Variants in GALNT16 observed in about 807,000 individuals in gnomAD.
The protein encoded by GALNT16 is polypeptide N-acetylgalactosaminyltransferase 16.
In GALNT16, 40 loss-of-function variants were observed where a neutral mutation model predicts 76.1. The observed-to-expected ratio is 0.53, with a 90% CI of 0.41 to 0.68. The LOEUF is 0.68. Among genes scored for constraint, GALNT16 ranks in the 30% least tolerant of loss-of-function variants. The pLI, the probability that GALNT16 is intolerant of heterozygous loss-of-function variation, is 0.00. For synonymous variants in GALNT16, 276 were observed against 285.2 expected, an observed-to-expected ratio of 0.97 and a Z score of 0.32; for missense variants, 621 against 731.9, an observed-to-expected ratio of 0.85 and a Z score of 1.75.
chr14:69,288,900 C>T (rs946379470), intron 1 of GALNT16, among the ~76,000 whole-genome samples: 2 of 151,728 alleles, frequency 1.3e-5, no homozygotes, highest in Non-Finnish European at 2.9e-5. Context: ...TTTTTAGAGA[C>T]GAGGTCTCAC....
upstream of GALNT16, chr14:69,260,136 A>ACCCCCCCCCCCCCCCCCCCCCCCCCC: frequency 8.8e-6 from 1 of 113,994 alleles, no homozygotes; most frequent in South Asian, 2.2e-4. Flanking sequence ...TCTCCCTATC[A>ACCCCCCCCCCCCCCCCCCCCCCCCCC]CCCCCCCGCC....
At chr14:69,306,963 G>T (rs1390034104) in intron 1 of GALNT16, among the ~76,000 whole-genome samples, 1 of 152,176 alleles carries the variant, frequency 6.6e-6, no homozygotes, top group Non-Finnish European at 1.5e-5. Context: ...CTGCAATAAT[G>T]TCATTCCTCA....
At chr14:69,314,686 T>C (rs2045075973) in intron 1 of GALNT16, among the ~76,000 whole-genome samples, 1 of 152,238 alleles carries the variant, frequency 6.6e-6, no homozygotes. Flanking sequence ...TCGAATTATG[T>C]GCTTAGCTTC....
chr14:69,347,984 C>T lies in GALNT16; in HGVS notation c.1521C>T (p.Asn507=). Residue 507 remains asparagine (N), a synonymous_variant, in exon 14 of 15, where the codon AAC becomes AAT. Coordinates refer to ENST00000448469, the MANE Select transcript of GALNT16 (RefSeq NM_001168368.2). The part of the protein sequence containing the change: ...PGSPVILQMC[N]PREGKQKWRR... The stretch of plus-strand genomic sequence containing the variant: ...CCCCAGTCATACTGCAGATGTGCAA[C>T]CCTAGAGAAGGCAAGCAGGTGAGTC... 1.2e-6 allele frequency: 2 copies of T among 1,614,098 alleles called. No individual in the cohort carries two copies. Among genetic ancestry groups the T allele is most frequent in the Non-Finnish European group, 1.7e-6 (2 of 1,180,004 alleles).
intron 1 of GALNT16, among the ~76,000 whole-genome samples, chr14:69,291,590 C>T (rs2044687607): frequency 6.6e-6 from 1 of 152,206 alleles, no homozygotes; most frequent in Non-Finnish European, 1.5e-5. Context: ...GCCTGCCAGG[C>T]CTCCATGCTG....
At chr14:69,287,464 C>T (rs925229541) in intron 1 of GALNT16, among the ~76,000 whole-genome samples, 1 of 152,162 alleles carries the variant, frequency 6.6e-6, no homozygotes, top group Non-Finnish European at 1.5e-5. Flanking sequence ...GCAAACAGAA[C>T]TGAGTAGCAC....
chr14:69,326,238 C>T (rs2045283141), intron 5 of GALNT16, among the ~76,000 whole-genome samples: 1 of 152,224 alleles, frequency 6.6e-6, no homozygotes, highest in South Asian at 2.1e-4. Flanking sequence ...TCTCTGACTG[C>T]CTTAGCTGTC....
chr14:69,265,761 C>T (rs2044334817), intron 1 of GALNT16, among the ~76,000 whole-genome samples: 1 of 152,198 alleles, frequency 6.6e-6, no homozygotes, highest in South Asian at 2.1e-4. Flanking sequence ...AAATTCAGTT[C>T]AGTTAATCAG....
the GALNT16 span, among the ~76,000 whole-genome samples, chr14:69,371,008 C>T: frequency 1.3e-5 from 2 of 152,104 alleles, no homozygotes; most frequent in African/African-American, 4.8e-5. Flanking sequence ...ATAAACAGTC[C>T]TTATGTTTTT....
the GALNT16 span, among the ~76,000 whole-genome samples, chr14:69,365,188 G>A: frequency 6.6e-6 from 1 of 152,200 alleles, no homozygotes; most frequent in Admixed American, 6.5e-5. Flanking sequence ...TTCCAAATGT[G>A]AATGTGCTAG....
intron 12 of GALNT16, among the ~76,000 whole-genome samples, chr14:69,343,468 T>G (rs887289989): frequency 4.6e-5 from 7 of 152,220 alleles, no homozygotes; most frequent in African/African-American, 1.7e-4. Context: ...ATGTGAGCAC[T>G]GGCAGTGTCA....
At chr14:69,279,658 C>T (rs147040441) in intron 1 of GALNT16, among the ~76,000 whole-genome samples, 84 of 152,354 alleles carry the variant, frequency 5.5e-4, no homozygotes, top group Middle Eastern at 6.8e-3. Flanking sequence ...GGGCGTATGC[C>T]GAGTATAGCA....
chr14:69,348,629 C>T (rs902359420), intron 14 of GALNT16: 1 of 152,896 alleles, frequency 6.5e-6, no homozygotes, highest in Non-Finnish European at 1.5e-5. Context: ...TGACCAGCCT[C>T]ACGTGAGCAC....
the GALNT16 span, chr14:69,380,328 TAAAA>T: frequency 1.7e-5 from 6 of 360,020 alleles, no homozygotes; most frequent in Non-Finnish European, 1.9e-5. Context: ...AATGTTTAAG[TAAAA>T]AAAAAAAAAG....
intron 1 of GALNT16, among the ~76,000 whole-genome samples, chr14:69,313,686 G>C (rs1259525833): frequency 6.6e-6 from 1 of 152,246 alleles, no homozygotes; most frequent in African/African-American, 2.4e-5. Flanking sequence ...CCTTAGGTGG[G>C]TTTCCCCAGG....
chr14:69,365,728 C>T, the GALNT16 span, among the ~76,000 whole-genome samples: 5 of 152,074 alleles, frequency 3.3e-5, no homozygotes, highest in African/African-American at 9.7e-5. Flanking sequence ...GCATGGCACA[C>T]GTTCACCTAT....
At position 69,352,334 on chromosome 14, in the gene GALNT16, G is replaced by A; in HGVS notation, c.*166G>A. On this transcript the variant is annotated 3_prime_UTR_variant, in exon 15 of 15. Coordinates refer to ENST00000448469, the MANE Select transcript of GALNT16 (RefSeq NM_001168368.2). ...GTTCTCCAAAGCTTGTTCTAGGAGG[G>A]CGCAGGCGGGCACGCCCCGATGCCC... 1 of 675,504 alleles carries A rather than the reference G, an allele frequency of 1.5e-6. No individual in the cohort carries two copies. Among genetic ancestry groups the A allele is most frequent in the Non-Finnish European group, 2.4e-6 (1 of 409,238 alleles). The allele number at this position is 675,504 out of a possible 1,614,324, so 41.8% of individuals were successfully genotyped here. A position where few individuals can be genotyped will look rare whatever the true frequency, so the allele number is the denominator to read the frequency against.
In GALNT16 at chr14:69,260,443, C is replaced by T. The variant is rs371008744; in HGVS notation, c.153C>T (p.Arg51=). The T allele has an allele frequency of 5.4e-5, 85 of 1,569,694 alleles. No homozygotes were observed. The highest frequency in any genetic ancestry group is 2.4e-4 in the South Asian group (21 of 86,724). ...CAGGCAGGAGGTCGGAGCAGCTCCG[C>T]GAGGACCGCACCATCCCGCTCATTG... The part of the protein sequence containing the change: ...QRAGRRSEQL[R]EDRTIPLIVT... Residue 51 remains arginine, a synonymous_variant, in exon 1 of 15, where the codon CGC becomes CGT. Coordinates refer to ENST00000448469, the MANE Select transcript of GALNT16 (RefSeq NM_001168368.2).
intron 1 of GALNT16, among the ~76,000 whole-genome samples, chr14:69,290,270 G>C (rs1412219584): frequency 6.6e-6 from 1 of 152,226 alleles, no homozygotes; most frequent in Non-Finnish European, 1.5e-5. Flanking sequence ...TTAGGAGGCA[G>C]CTGTTGTTTT....
Sources: gnomAD v4.1 joint callset for allele counts (sites outside exome capture counted in the v4.1 genomes callset) on GRCh38, gnomAD v4.1.1 for gene constraint, MANE v1.5 for transcripts, NCBI Gene and HGNC (gene_info 2026-07-23, HGNC 2026-07-21) for gene names.